The following TBCA variants were observed in gnomAD, a reference collection of about 807,000 sequenced individuals.
The protein encoded by TBCA is tubulin folding cofactor A.
In TBCA, 6 loss-of-function variants were observed where a neutral mutation model predicts 15.8. That is an observed-to-expected ratio of 0.38 (90% CI 0.21 to 0.75). TBCA has a LOEUF of 0.75. TBCA is among the 30% of genes least tolerant of loss of function. The pLI, the probability that TBCA is intolerant of heterozygous loss-of-function variation, is 0.46. For synonymous variants in TBCA, 32 were observed against 42.3 expected (o/e 0.76, Z 0.94); for missense variants, 90 against 131.2 (o/e 0.69, Z 1.53).
At chr5:77,741,953 C>T (rs577534610) in intron 1 of TBCA, among the ~76,000 whole-genome samples, 4 of 152,296 alleles carry the variant, frequency 2.6e-5, no homozygotes, top group East Asian at 3.9e-4. Context: ...TCATGAATAA[C>T]TAAGTTCAAA....
chr5:77,707,401 G>C (rs1746175181), intron 2 of TBCA, among the ~76,000 whole-genome samples: 1 of 152,142 alleles, frequency 6.6e-6, no homozygotes, highest in Non-Finnish European at 1.5e-5. Context: ...TTTGAGGTGA[G>C]AGTAGAAGAG....
chr5:77,697,519 T>C (rs1580089434), intron 2 of TBCA, among the ~76,000 whole-genome samples: 2 of 151,948 alleles, frequency 1.3e-5, no homozygotes. Context: ...ATACTTTAAG[T>C]AGCCCATGGG....
intron 1 of TBCA, among the ~76,000 whole-genome samples, chr5:77,740,493 G>C (rs967644547): frequency 6.6e-6 from 1 of 152,166 alleles, no homozygotes; most frequent in African/African-American, 2.4e-5. Flanking sequence ...AAGGAAGCAG[G>C]AGAAGCCAAA....
chr5:77,714,080 G>A (rs569438611), intron 1 of TBCA, among the ~76,000 whole-genome samples: 1 of 151,750 alleles, frequency 6.6e-6, no homozygotes, highest in East Asian at 1.9e-4. Flanking sequence ...AGCACTTCTG[G>A]GAGGTCAAGG....
At chr5:77,754,002 T>C (rs781150901) in intron 1 of TBCA, among the ~76,000 whole-genome samples, 1 of 152,176 alleles carries the variant, frequency 6.6e-6, no homozygotes, top group African/African-American at 2.4e-5. Context: ...GTGATCTACC[T>C]ACCTTGACCT....
intron 1 of TBCA, among the ~76,000 whole-genome samples, chr5:77,758,466 T>TA (rs1561282801): frequency 6.6e-6 from 1 of 152,196 alleles, no homozygotes; most frequent in Non-Finnish European, 1.5e-5. Flanking sequence ...GTGAAATCTT[T>TA]AGTGTTGTGA....
At chr5:77,755,214 G>C (rs971729625) in intron 1 of TBCA, among the ~76,000 whole-genome samples, 1 of 152,194 alleles carries the variant, frequency 6.6e-6, no homozygotes, top group East Asian at 1.9e-4. Context: ...AGAGAACTTA[G>C]GAATTTTATA....
chr5:77,719,087 C>T (rs972023141), intron 1 of TBCA, among the ~76,000 whole-genome samples: 1 of 152,154 alleles, frequency 6.6e-6, no homozygotes. Flanking sequence ...ATATGCCTCA[C>T]AGATATATTT....
intron 1 of TBCA, among the ~76,000 whole-genome samples, chr5:77,747,203 C>A (rs1034586800): frequency 1.3e-5 from 2 of 151,932 alleles, no homozygotes; most frequent in Non-Finnish European, 2.9e-5. Context: ...CTTAAAATTT[C>A]ATAGATGACA....
At chr5:77,754,294 TAC>T (rs1747423873) in intron 1 of TBCA, among the ~76,000 whole-genome samples, 1 of 152,238 alleles carries the variant, frequency 6.6e-6, no homozygotes, top group Non-Finnish European at 1.5e-5. Flanking sequence ...ACATCTCTCT[TAC>T]TTCCTGGTCC....
intron 1 of TBCA, among the ~76,000 whole-genome samples, chr5:77,729,900 G>A (rs1003266326): frequency 6.6e-6 from 1 of 152,120 alleles, no homozygotes; most frequent in African/African-American, 2.4e-5. Context: ...AAGATATTTT[G>A]TGTTTATTAT....
chr5:77,776,233 T>C lies in TBCA; in HGVS notation c.25A>G (p.Ile9Val). MADPRVRQ[I>V]KIKTGVVKRL... ...TTCACCACGCCGGTCTTGATCTTGATCTGTCTCACGCGAGGATCGGCCATG... is the reference window on the plus strand; with the variant it reads ...TTCACCACGCCGGTCTTGATCTTGACCTGTCTCACGCGAGGATCGGCCATG... Residue 9 changes from isoleucine (I) to valine (V), a missense_variant, in exon 1 of 4, where the codon ATC becomes GTC. Coordinates refer to ENST00000380377, the MANE Select transcript of TBCA (RefSeq NM_004607.3). The C allele has an allele frequency of 1.9e-6, 3 of 1,578,226 alleles. No individual in the cohort carries two copies. The highest frequency in any genetic ancestry group is 2.6e-6 in the Non-Finnish European group (3 of 1,163,050).
At chr5:77,692,843 C>G in intron 3 of TBCA, 2 of 1,097,920 alleles carry the variant, frequency 1.8e-6, no homozygotes, top group East Asian at 6.9e-5. Flanking sequence ...TCAAACTGAT[C>G]TAGGTTTGAA....
intron 1 of TBCA, among the ~76,000 whole-genome samples, chr5:77,751,159 C>CTTTTTTT (rs10573352): frequency 8.5e-5 from 7 of 81,896 alleles, no homozygotes; most frequent in East Asian, 3.7e-4. Context: ...TTCTTTCTTT[C>CTTTTTTT]TTTTTTTTTT....
At chr5:77,721,085 G>A (rs182526837) in intron 1 of TBCA, among the ~76,000 whole-genome samples, 1 of 152,308 alleles carries the variant, frequency 6.6e-6, no homozygotes, top group East Asian at 1.9e-4. Context: ...GGATGGAAAT[G>A]ACTTTAGCTT....
chr5:77,731,312 T>C (rs961428459), intron 1 of TBCA, among the ~76,000 whole-genome samples: 15 of 152,224 alleles, frequency 9.9e-5, no homozygotes, highest in Admixed American at 2.6e-4. Flanking sequence ...TAGAGCTAAA[T>C]TGCCTAAATT....
At chr5:77,718,854 A>G (rs1021727475) in intron 1 of TBCA, among the ~76,000 whole-genome samples, 1 of 152,160 alleles carries the variant, frequency 6.6e-6, no homozygotes, top group Non-Finnish European at 1.5e-5. Flanking sequence ...CAACCAACTC[A>G]TTCTTCAAAA....
intron 1 of TBCA, among the ~76,000 whole-genome samples, chr5:77,772,807 TA>T (rs1163548278): frequency 2.0e-5 from 3 of 152,222 alleles, no homozygotes; most frequent in Non-Finnish European, 4.4e-5. Flanking sequence ...CATAAAATGA[TA>T]AATTTATTTC....
intron 2 of TBCA, chr5:77,705,563 C>CA (rs767356084): frequency 7.5e-6 from 3 of 398,498 alleles, no homozygotes; most frequent in Non-Finnish European, 8.8e-6. Flanking sequence ...AGGGGGGACT[C>CA]ACGCTTATCA....
Sources: allele counts gnomAD v4.1 joint callset (sites outside exome capture counted in the v4.1 genomes callset), GRCh38; gene constraint gnomAD v4.1.1; transcripts MANE v1.5; gene names NCBI Gene and HGNC (gene_info 2026-07-23, HGNC 2026-07-21).